The following ADAMTS6 variants were observed in gnomAD, a reference collection of about 807,000 sequenced individuals.
ADAMTS6 encodes the protein A disintegrin and metalloproteinase with thrombospondin motifs 6.
ADAMTS6 carries 23 observed loss-of-function variants against 144.3 expected under a neutral mutation model. The observed-to-expected ratio is 0.16, with a 90% CI of 0.11 to 0.23. The LOEUF is 0.23. Among genes scored for constraint, ADAMTS6 ranks in the 10% least tolerant of loss-of-function variants. The probability of loss-of-function intolerance (pLI) is 1.00; values close to 1 mark genes in which losing one functional copy is unlikely to be tolerated. For missense variants in ADAMTS6, 999 were observed against 1,379.6 expected (o/e 0.72, Z 4.37); for synonymous variants, 444 against 457.5 (o/e 0.97, Z 0.38).
At chr5:65,169,552 C>T (rs1466330691) in intron 24 of ADAMTS6, among the ~76,000 whole-genome samples, 37 of 140,642 alleles carry the variant, frequency 2.6e-4, no homozygotes, top group African/African-American at 9.6e-4. Flanking sequence ...ACCCAAATGA[C>T]TATAAATCAT....
chr5:65,317,767 C>T (rs1745153678), intron 9 of ADAMTS6, among the ~76,000 whole-genome samples: 1 of 152,084 alleles, frequency 6.6e-6, no homozygotes, highest in Admixed American at 6.6e-5. Context: ...ATAGACATTT[C>T]TCAAAAGAAG....
At chr5:65,290,969 C>G (rs542069629) in intron 11 of ADAMTS6, among the ~76,000 whole-genome samples, 2 of 152,164 alleles carry the variant, frequency 1.3e-5, no homozygotes, top group Non-Finnish European at 2.9e-5. Flanking sequence ...TAAAAATGCC[C>G]TTTAGCTCAA....
At chr5:65,306,686 T>C (rs1373311871) in intron 9 of ADAMTS6, among the ~76,000 whole-genome samples, 1 of 152,224 alleles carries the variant, frequency 6.6e-6, no homozygotes, top group East Asian at 1.9e-4. Flanking sequence ...GTAAGAATCC[T>C]ATCTGCACCA....
At chr5:65,325,422 C>T (rs78828382) in intron 9 of ADAMTS6, among the ~76,000 whole-genome samples, 1,699 of 151,926 alleles carry the variant, frequency 0.011, 27 homozygotes, top group African/African-American at 0.038. Context: ...AGAATTCCTA[C>T]GGTTGAGACA....
chr5:65,264,439 T>A (rs141611622), intron 12 of ADAMTS6, among the ~76,000 whole-genome samples: 122 of 152,282 alleles, frequency 8.0e-4, no homozygotes, highest in African/African-American at 2.8e-3. Context: ...TGTCTTCTCA[T>A]CTTTCAGTCT....
At chr5:65,258,270 A>AT (rs1760867840) in intron 14 of ADAMTS6, among the ~76,000 whole-genome samples, 1 of 152,154 alleles carries the variant, frequency 6.6e-6, no homozygotes, top group Non-Finnish European at 1.5e-5. Context: ...AACCACACAG[A>AT]TATTTTGGGA....
At chr5:65,259,249 C>T (rs1408796964) in intron 14 of ADAMTS6, among the ~76,000 whole-genome samples, 1 of 151,644 alleles carries the variant, frequency 6.6e-6, no homozygotes, top group Non-Finnish European at 1.5e-5. Flanking sequence ...TGGCACACAC[C>T]TGTAATACAG....
intron 7 of ADAMTS6, among the ~76,000 whole-genome samples, chr5:65,417,207 T>A (rs988517909): frequency 4.9e-4 from 74 of 152,222 alleles, no homozygotes; most frequent in African/African-American, 1.6e-3. Context: ...TTCAGAAAAC[T>A]AGGCATTGAA....
At chr5:65,203,771 A>G (rs1755896597) in intron 20 of ADAMTS6, among the ~76,000 whole-genome samples, 1 of 152,218 alleles carries the variant, frequency 6.6e-6, no homozygotes. Flanking sequence ...TATTTTTAAA[A>G]GGCTTTGTTT....
intron 7 of ADAMTS6, among the ~76,000 whole-genome samples, chr5:65,360,717 T>C (rs963912951): frequency 6.6e-6 from 1 of 152,136 alleles, no homozygotes; most frequent in African/African-American, 2.4e-5. Context: ...ATTCACACGG[T>C]GGGAATTGAC....
At chr5:65,239,437 G>A (rs1317683379) in intron 15 of ADAMTS6, among the ~76,000 whole-genome samples, 1 of 152,074 alleles carries the variant, frequency 6.6e-6, no homozygotes, top group South Asian at 2.1e-4. Flanking sequence ...TAAATGTAAG[G>A]ACTAAACAAT....
At chr5:65,291,266 T>C in intron 11 of ADAMTS6, 63 bp downstream of exon 11, 14 of 1,537,440 alleles carry the variant, frequency 9.1e-6, no homozygotes, top group Non-Finnish European at 1.2e-5. Context: ...TAATTCCATC[T>C]TAACATCTGT....
chr5:65,204,140 A>C (rs1017609072), intron 20 of ADAMTS6, among the ~76,000 whole-genome samples: 1 of 152,236 alleles, frequency 6.6e-6, no homozygotes, highest in Non-Finnish European at 1.5e-5. Flanking sequence ...CACAACATGC[A>C]GAAGTAAACA....
In ADAMTS6 at chr5:65,151,718, C is replaced by T. The variant is rs930952980; in HGVS notation, c.*118G>A. 75 of 838,684 alleles carry T rather than the reference C, an allele frequency of 8.9e-5. No individual in the cohort carries two copies. The highest frequency in any genetic ancestry group is 1.2e-4 in the Non-Finnish European group (65 of 530,270). The allele number at this position is 838,684 out of a possible 1,614,324, so 52.0% of individuals were successfully genotyped here. A position where few individuals can be genotyped will look rare whatever the true frequency, so the allele number is the denominator to read the frequency against. Reference sequence around the variant, plus strand: ...GTCAGCTAGGGCTGACCAGTGGTTACGTTTTCCACAGGGTAATGCATTTGC... The same window carrying T: ...GTCAGCTAGGGCTGACCAGTGGTTATGTTTTCCACAGGGTAATGCATTTGC... On this transcript the variant is annotated 3_prime_UTR_variant, in exon 25 of 25. Transcript: ENST00000381055.
intron 7 of ADAMTS6, among the ~76,000 whole-genome samples, chr5:65,399,172 G>A (rs180834675): frequency 6.6e-4 from 100 of 152,066 alleles, no homozygotes; most frequent in African/African-American, 2.4e-3. Flanking sequence ...CAGGAGAATT[G>A]TTGAACTCGG....
intron 7 of ADAMTS6, among the ~76,000 whole-genome samples, chr5:65,411,561 G>T (rs1348220430): frequency 2.0e-5 from 3 of 152,138 alleles, no homozygotes; most frequent in African/African-American, 7.2e-5. Flanking sequence ...CTTCCCCATA[G>T]TCTATCTGGT....
chr5:65,189,260 G>C (rs564725317), intron 21 of ADAMTS6, among the ~76,000 whole-genome samples: 13 of 152,274 alleles, frequency 8.5e-5, no homozygotes, highest in African/African-American at 3.1e-4. Flanking sequence ...ACTTCTGCAG[G>C]ATTCACTCTT....
chr5:65,243,399 G>A (rs1029601554), intron 14 of ADAMTS6, among the ~76,000 whole-genome samples: 6 of 151,990 alleles, frequency 3.9e-5, no homozygotes, highest in Non-Finnish European at 8.8e-5. Flanking sequence ...TCATTACTTC[G>A]TATATAATAC....
At position 65,226,122 on chromosome 5, in the gene ADAMTS6, C is replaced by T. The variant is rs757891629; in HGVS notation, c.2031G>A (p.Ala677=). 1.2e-5 allele frequency: 19 copies of T among 1,612,254 alleles called. No individual in the cohort carries two copies. Among genetic ancestry groups the T allele is most frequent in the South Asian group, 4.4e-5 (4 of 90,766 alleles). The part of the protein sequence containing the change: ...PAVIDGTQCN[A]DSLDICINGE... ...CATTGATGCAGATATCCAGTGAATC[C>T]GCATTGCACTGGGTCCCATCGATCA... The change falls in exon 16 of 25, where the codon GCG becomes GCA. Residue 677 remains alanine, a synonymous_variant. Transcript: ENST00000381055.
Sources: gnomAD v4.1 joint callset for allele counts (sites outside exome capture counted in the v4.1 genomes callset) on GRCh38, gnomAD v4.1.1 for gene constraint, MANE v1.5 for transcripts, NCBI Gene and HGNC (gene_info 2026-07-23, HGNC 2026-07-21) for gene names.